Variants in GLRA2 observed in about 807,000 individuals in gnomAD.
GLRA2 encodes the protein glycine receptor alpha 2.
GLRA2 carries 11 observed loss-of-function variants against 31.6 expected under a neutral mutation model. That is an observed-to-expected ratio of 0.35 (90% CI 0.22 to 0.58). GLRA2 has a LOEUF of 0.58. Among genes scored for constraint, GLRA2 ranks in the 20% least tolerant of loss-of-function variants. The pLI is 0.84. For missense variants in GLRA2, 212 were observed against 351.8 expected, an observed-to-expected ratio of 0.60 and a Z score of 3.18; for synonymous variants, 132 against 134.0, an observed-to-expected ratio of 0.99 and a Z score of 0.10.
At chrX:14,715,377 T>G (rs935440437) in intron 8 of GLRA2, among the ~76,000 whole-genome samples, 1 of 112,451 alleles carries the variant, frequency 8.9e-6, no homozygotes, top group Non-Finnish European at 1.9e-5. Context: ...TTTTTTCATA[T>G]TACCATTCAC....
At chrX:14,628,818 A>C (rs1458756619) in intron 7 of GLRA2, among the ~76,000 whole-genome samples, 4 of 111,515 alleles carry the variant, frequency 3.6e-5, no homozygotes, top group Non-Finnish European at 7.5e-5. Flanking sequence ...ACAGGACCTC[A>C]TGGGCCCTAG....
chrX:14,555,523 C>T (rs1295168636), intron 2 of GLRA2, among the ~76,000 whole-genome samples: 1 of 111,572 alleles, frequency 9.0e-6, no homozygotes, highest in East Asian at 2.8e-4. Context: ...ACGGTTAAGA[C>T]TTTCCTGATC....
In GLRA2 at chrX:14,730,465, G is replaced by A. The variant is rs1187324711; in HGVS notation, c.1339G>A (p.Glu447Lys). 1 of 1,203,719 alleles carries A rather than the reference G, an allele frequency of 8.3e-7. No homozygotes were observed. Among genetic ancestry groups the A allele is most frequent in the Non-Finnish European group, 1.1e-6 (1 of 891,243 alleles). Reference protein sequence around the residue: ...YWITYKIIRHEDVHKK With the variant: ...YWITYKIIRHKDVHKK ...GATCACATACAAGATCATTCGGCAT[G>A]AAGATGTCCACAAGAAATAGATGTG... Residue 447 changes from glutamate to lysine, a missense_variant, in exon 9 of 9, where the codon GAA (glutamate) becomes AAA (lysine). By Grantham distance (56) the Glu-to-Lys change is moderately conservative. This residue lies in a region of GLRA2 where 42 missense variants were observed against 52.0 expected (regional missense o/e 0.81). Transcript: ENST00000218075.
chrX:14,506,247 C>T, the GLRA2 span, among the ~76,000 whole-genome samples: 1 of 111,706 alleles, frequency 9.0e-6, no homozygotes, highest in Non-Finnish European at 1.9e-5. Flanking sequence ...TATTTATTTA[C>T]TTGATCTTAT....
intron 7 of GLRA2, among the ~76,000 whole-genome samples, chrX:14,684,373 T>C (rs2091250877): frequency 9.0e-6 from 1 of 111,706 alleles, no homozygotes; most frequent in African/African-American, 3.3e-5. Flanking sequence ...GTAGCTTGAT[T>C]GGGGATGGCA....
In GLRA2 at chrX:14,557,441, T is replaced by A. The variant is rs1362531162; in HGVS notation, c.203-16892T>A. On this transcript the variant is annotated intron_variant, in intron 2 of 8. Transcript: ENST00000218075. ...ACCTAAAGTATTTCTAAATATTTTTTAAAATCCACACTCTTTGCTGAAACA... is the reference window on the plus strand; with the variant it reads ...ACCTAAAGTATTTCTAAATATTTTTAAAAATCCACACTCTTTGCTGAAACA... Among the ~76,000 whole-genome samples the A allele has an allele frequency of 3.6e-5, 4 of 111,750 alleles. No individual in the cohort carries two copies. The Admixed American group carries it at 3.8e-4, about 11-fold the overall frequency.
At chrX:14,483,646 C>T in the GLRA2 span, among the ~76,000 whole-genome samples, 2 of 112,057 alleles carry the variant, frequency 1.8e-5, no homozygotes, top group South Asian at 7.4e-4. Context: ...CCTGGCATAA[C>T]TACCTTTTTA....
At chrX:14,514,920 T>C in the GLRA2 span, among the ~76,000 whole-genome samples, 1 of 111,514 alleles carries the variant, frequency 9.0e-6, no homozygotes, top group East Asian at 2.8e-4. Flanking sequence ...TAATATGCTA[T>C]ATACTGTTTA....
At chrX:14,628,804 T>TC (rs1226295477) in intron 7 of GLRA2, among the ~76,000 whole-genome samples, 2 of 111,467 alleles carry the variant, frequency 1.8e-5, no homozygotes, top group African/African-American at 6.5e-5. Context: ...GGCACATAGG[T>TC]CACACAGGAC....
chrX:14,491,087 T>C, the GLRA2 span, among the ~76,000 whole-genome samples: 8 of 111,997 alleles, frequency 7.1e-5, no homozygotes, highest in South Asian at 3.7e-4. Context: ...TTTGCTCACA[T>C]AGGCCTGCTA....
At chrX:14,694,634 T>A (rs779239478) in intron 8 of GLRA2, among the ~76,000 whole-genome samples, 10 of 111,844 alleles carry the variant, frequency 8.9e-5, no homozygotes, top group Non-Finnish European at 1.5e-4. Context: ...ATGGTATTGG[T>A]CATGAGAATG....
At chrX:14,596,677 G>A (rs1236490635) in intron 4 of GLRA2, among the ~76,000 whole-genome samples, 1 of 111,087 alleles carries the variant, frequency 9.0e-6, no homozygotes, top group Admixed American at 9.6e-5. Flanking sequence ...ATTTCCCAAA[G>A]GAGTGCTACT....
At chrX:14,453,363 G>C in the GLRA2 span, among the ~76,000 whole-genome samples, 1 of 111,604 alleles carries the variant, frequency 9.0e-6, no homozygotes, top group Non-Finnish European at 1.9e-5. Context: ...TTGGTAGGTA[G>C]AGGTCAGGGG....
intron 7 of GLRA2, among the ~76,000 whole-genome samples, chrX:14,626,337 TAA>T (rs1280800169): frequency 8.9e-6 from 1 of 112,231 alleles, no homozygotes; most frequent in African/African-American, 3.2e-5. Context: ...ATTTGTGAAA[TAA>T]GTTATTTTCT....
chrX:14,550,639 C>T (rs1249976847), intron 2 of GLRA2, among the ~76,000 whole-genome samples: 1 of 110,942 alleles, frequency 9.0e-6, no homozygotes, highest in African/African-American at 3.3e-5. Flanking sequence ...TTGATACCTG[C>T]CATCTTTGCC....
chrX:14,559,096 A>G (rs1403426941), intron 2 of GLRA2, among the ~76,000 whole-genome samples: 1 of 111,922 alleles, frequency 8.9e-6, no homozygotes, highest in East Asian at 2.8e-4. Context: ...AAGTGCTGGG[A>G]TTACAGGCGT....
At chrX:14,474,375 G>C in the GLRA2 span, among the ~76,000 whole-genome samples, 2 of 111,750 alleles carry the variant, frequency 1.8e-5, no homozygotes, top group East Asian at 5.6e-4. Context: ...GGTGCAGCTT[G>C]TGTCCTTTTG....
At chrX:14,584,697 G>A (rs898877330) in intron 4 of GLRA2, among the ~76,000 whole-genome samples, 10 of 112,053 alleles carry the variant, frequency 8.9e-5, no homozygotes, top group Non-Finnish European at 1.9e-4. Flanking sequence ...CCATGGTGAT[G>A]TGTTTGGTTG....
At chrX:14,598,043 A>G (rs1039486400) in intron 4 of GLRA2, among the ~76,000 whole-genome samples, 1 of 111,488 alleles carries the variant, frequency 9.0e-6, no homozygotes, top group Non-Finnish European at 1.9e-5. Context: ...GGAGCACCAT[A>G]GGTTCCAGCC....
Sources: gnomAD v4.1 joint callset for allele counts (sites outside exome capture counted in the v4.1 genomes callset) on GRCh38, gnomAD v4.1.1 for gene constraint, gnomAD v4.1.1 regional missense constraint, MANE v1.5 for transcripts, NCBI Gene and HGNC (gene_info 2026-07-23, HGNC 2026-07-21) for gene names.